DNAI3: variants seen among roughly 807,000 people sequenced by gnomAD.
The protein encoded by DNAI3 is WD repeat domain 63.
DNAI3 carries 83 observed loss-of-function variants against 115.5 expected under a neutral mutation model. The observed-to-expected ratio is 0.72, with a 90% CI of 0.60 to 0.86. The LOEUF is 0.86. Among genes scored for constraint, DNAI3 ranks in the 40% least tolerant of loss-of-function variants. DNAI3 has a pLI of 0.00. For missense variants in DNAI3, 1,004 were observed against 1,075.8 expected, an observed-to-expected ratio of 0.93 and a Z score of 0.93; for synonymous variants, 320 against 347.0, an observed-to-expected ratio of 0.92 and a Z score of 0.86.
intron 16 of DNAI3, among the ~76,000 whole-genome samples, chr1:85,116,619 T>C (rs1283387988): frequency 6.6e-6 from 1 of 152,228 alleles, no homozygotes; most frequent in African/African-American, 2.4e-5. Context: ...ATTTTAATGA[T>C]TTTAATTGTA....
intron 4 of DNAI3, 137 bp from the exon 5 acceptor site, chr1:85,082,163 G>C: frequency 1.5e-6 from 1 of 659,570 alleles, no homozygotes; most frequent in East Asian, 2.9e-5. Context: ...TTGCAATTTG[G>C]TGTTATCAGC....
At chr1:85,117,676 A>G (rs1655872712) in intron 16 of DNAI3, 53 bp from the exon 17 acceptor site, 1 of 1,593,646 alleles carries the variant, frequency 6.3e-7, no homozygotes, top group Admixed American at 1.7e-5. Flanking sequence ...TCTATATTTT[A>G]AAAGATGTTT....
chr1:85,063,464 A>G (rs1031349421), intron 1 of DNAI3, among the ~76,000 whole-genome samples: 3 of 152,186 alleles, frequency 2.0e-5, no homozygotes, highest in African/African-American at 7.2e-5. Flanking sequence ...ACACTGTGAA[A>G]GTACTGAAGG....
intron 3 of DNAI3, among the ~76,000 whole-genome samples, chr1:85,079,934 T>C (rs2100564852): frequency 6.6e-6 from 1 of 152,008 alleles, no homozygotes; most frequent in Non-Finnish European, 1.5e-5. Context: ...AGCCACTATT[T>C]GAAAAATGTG....
chr1:85,132,770 T>C, intron 22 of DNAI3, 85 bp from the exon 23 acceptor site: 1 of 1,463,698 alleles, frequency 6.8e-7, no homozygotes, highest in South Asian at 1.3e-5. Flanking sequence ...CCAGGTCAAC[T>C]ATTCACAAAC....
At chr1:85,075,842 G>T (rs1187287040) in intron 3 of DNAI3, among the ~76,000 whole-genome samples, 2 of 152,166 alleles carry the variant, frequency 1.3e-5, no homozygotes, top group African/African-American at 4.8e-5. Context: ...AAGGTGCTGT[G>T]ACTCCCGAAT....
At chr1:85,109,694 A>C (rs1212821912) in intron 15 of DNAI3, among the ~76,000 whole-genome samples, 7 of 152,210 alleles carry the variant, frequency 4.6e-5, no homozygotes. Flanking sequence ...GGTCTCATTT[A>C]ACTGAATGAT....
chr1:85,076,650 ATCAGGTC>A (rs1449637395), intron 3 of DNAI3, among the ~76,000 whole-genome samples: 1 of 152,168 alleles, frequency 6.6e-6, no homozygotes, highest in Admixed American at 6.5e-5. Flanking sequence ...TTATAAAACC[ATCAGGTC>A]TCATGAGACT....
chr1:85,115,058 C>T lies in DNAI3; in HGVS notation c.1787-2671C>T, dbSNP rs138558784. 6.0e-3 allele frequency among the ~76,000 whole-genome samples: 912 copies of T among 152,322 alleles called. 2 individuals carry two copies. The highest frequency in any genetic ancestry group is 0.016 in the Admixed American group (239 of 15,292). On this transcript the variant is annotated intron_variant, in intron 16 of 22. Coordinates refer to ENST00000294664, the MANE Select transcript of DNAI3 (RefSeq NM_145172.5). Reference sequence around the variant, plus strand: ...AAGCAATGTGGCATAGCAGCTATGACGGTAGATTCTGGAGTTGATGGTCTG... The same window carrying T: ...AAGCAATGTGGCATAGCAGCTATGATGGTAGATTCTGGAGTTGATGGTCTG...
At chr1:85,130,183 C>T in intron 22 of DNAI3, 71 bp downstream of exon 22, 1 of 1,583,318 alleles carries the variant, frequency 6.3e-7, no homozygotes, top group Non-Finnish European at 8.6e-7. Flanking sequence ...TTGGCTTAAT[C>T]CACAGTTTCC....
intron 15 of DNAI3, among the ~76,000 whole-genome samples, chr1:85,108,609 C>G (rs1557720957): frequency 6.6e-6 from 1 of 152,058 alleles, no homozygotes; most frequent in Non-Finnish European, 1.5e-5. Context: ...GCTTCAAGCT[C>G]TCATTATTTT....
At chr1:85,067,556 A>C (rs1333399335) in intron 1 of DNAI3, among the ~76,000 whole-genome samples, 1 of 152,212 alleles carries the variant, frequency 6.6e-6, no homozygotes, top group East Asian at 1.9e-4. Flanking sequence ...CTACGGCAGC[A>C]CTTCTTAATT....
At position 85,097,552 on chromosome 1, in the gene DNAI3, A is replaced by T. The variant is rs913229701; in HGVS notation, c.1264-17A>T. The stretch of plus-strand genomic sequence containing the variant: ...TATTTTCTGAAAAGGTTATGATAAC[A>T]TTTATTTCCATTTTAGATTGTCATG... On this transcript the variant is annotated splice_polypyrimidine_tract_variant and intron_variant, in intron 11 of 22. Transcript: ENST00000294664. The T allele has an allele frequency of 6.3e-7, 1 of 1,591,222 alleles. No individual in the cohort carries two copies.
At chr1:85,065,406 A>G (rs1474898296) in intron 1 of DNAI3, among the ~76,000 whole-genome samples, 2 of 152,226 alleles carry the variant, frequency 1.3e-5, no homozygotes, top group Non-Finnish European at 2.9e-5. Context: ...CTATATGTAT[A>G]TTCAGGGAGA....
intron 1 of DNAI3, among the ~76,000 whole-genome samples, chr1:85,070,987 A>T (rs1312867730): frequency 6.6e-6 from 1 of 152,308 alleles, no homozygotes; most frequent in Non-Finnish European, 1.5e-5. Context: ...ATAAAATAAA[A>T]CTTGTGATAT....
Position 85,130,060 on chromosome 1 carries a change from T to A in DNAI3, c.2480T>A (p.Ile827Asn), listed in dbSNP as rs930451379. The A allele has an allele frequency of 5.6e-6, 9 of 1,613,522 alleles. No individual in the cohort carries two copies. The highest frequency in any genetic ancestry group is 1.1e-5 in the South Asian group (1 of 91,012). ...HLEYVEQRKK[I>N]REQEKKEMEL... ...GAATACGTAGAACAGCGCAAAAAAA[T>A]TCGTGAGCAAGAAAAGAAAGAAATG... is the stretch of plus-strand genomic sequence containing the variant. Residue 827 changes from isoleucine (I) to asparagine (N), a missense_variant, in exon 22 of 23, where the codon ATT becomes AAT. Transcript: ENST00000294664.
rs1232859006 is a variant in DNAI3, at chr1:85,130,017, A to G, written c.2437A>G (p.Arg813Gly). The change falls in exon 22 of 23, where the codon AGA becomes GGA. Residue 813 changes from arginine to glycine, a missense_variant. Physicochemically the swap from Arg to Gly is moderately radical, Grantham distance 125 (BLOSUM62 -2). This residue lies in a region of DNAI3 where 429 missense variants were observed against 454.3 expected (regional missense o/e 0.94). Coordinates refer to ENST00000294664, the MANE Select transcript of DNAI3 (RefSeq NM_145172.5). ...GGCAAGTGTCAACCACTATTTTGAA[A>G]GAGAAGTCAAGCATCTGGAATACGT... ...EMASVNHYFE[R>G]EVKHLEYVEQ... The G allele has an allele frequency of 2.5e-6, 4 of 1,612,898 alleles. No homozygotes were observed. In the African/African-American group the frequency reaches 5.3e-5, roughly 22 times the overall value.
Position 85,129,979 on chromosome 1 carries a change from G to T in DNAI3, c.2410-11G>T. On this transcript the variant is annotated splice_polypyrimidine_tract_variant and intron_variant, in intron 21 of 22. Coordinates refer to ENST00000294664, the MANE Select transcript of DNAI3 (RefSeq NM_145172.5). Reference sequence around the variant, plus strand: ...GCCTGTCACCCTCTCATGGACTTCTGTTTCTAACAGATGGCAAGTGTCAAC... The same window carrying T: ...GCCTGTCACCCTCTCATGGACTTCTTTTTCTAACAGATGGCAAGTGTCAAC... 6.2e-7 allele frequency: 1 copy of T among 1,610,658 alleles called. No homozygotes were observed. Among genetic ancestry groups the T allele is most frequent in the Non-Finnish European group, 8.5e-7 (1 of 1,178,716 alleles).
rs553991926 is a variant in DNAI3 at position 85,074,284 on chromosome 1, G to A, written c.103+1192G>A. 2.2e-4 allele frequency among the ~76,000 whole-genome samples: 33 copies of A among 152,260 alleles called. No individual in the cohort carries two copies. The South Asian group carries it at 6.6e-3, about 31-fold the overall frequency. ...CCTTCTGTCCATTTGGCGCACAGCA[G>A]CCCAACCATGCTTAAACTCCTCTTT... is the stretch of plus-strand genomic sequence containing the variant. On this transcript the variant is annotated intron_variant, in intron 3 of 22. Coordinates refer to ENST00000294664, the MANE Select transcript of DNAI3 (RefSeq NM_145172.5).
Sources: gnomAD v4.1 joint callset for allele counts (sites outside exome capture counted in the v4.1 genomes callset) on GRCh38, gnomAD v4.1.1 for gene constraint, gnomAD v4.1.1 regional missense constraint, MANE v1.5 for transcripts, NCBI Gene and HGNC (gene_info 2026-07-23, HGNC 2026-07-21) for gene names.